CLNK: variants seen among roughly 807,000 people sequenced by gnomAD.
CLNK encodes the protein cytokine dependent hematopoietic cell linker.
In CLNK, 74 loss-of-function variants were observed where a neutral mutation model predicts 68.6. That is an observed-to-expected ratio of 1.08 (90% confidence interval 0.89 to 1.31). The LOEUF is 1.31. Ranked by LOEUF, CLNK falls within the 50% of genes most tolerant of loss-of-function variation. CLNK has a pLI of 0.00. For synonymous variants in CLNK, 198 were observed against 172.2 expected, an observed-to-expected ratio of 1.15 and a Z score of -1.17; for missense variants, 553 against 515.3, an observed-to-expected ratio of 1.07 and a Z score of -0.71.
chr4:10,544,120 T>A (rs1719137729), intron 8 of CLNK, among the ~76,000 whole-genome samples: 2 of 152,234 alleles, frequency 1.3e-5, no homozygotes, highest in Admixed American at 1.3e-4. Flanking sequence ...GATGTTGGCT[T>A]TCCAAGAGGT....
At chr4:10,619,923 G>C (rs1197498642) in intron 2 of CLNK, among the ~76,000 whole-genome samples, 1 of 152,076 alleles carries the variant, frequency 6.6e-6, no homozygotes, top group Non-Finnish European at 1.5e-5. Flanking sequence ...AGCCCGGGGC[G>C]TTTTCCCATA....
chr4:10,513,729 G>A, intron 15 of CLNK, 132 bp from the exon 16 acceptor site: 3 of 767,838 alleles, frequency 3.9e-6, no homozygotes, highest in African/African-American at 1.8e-5. Flanking sequence ...CACCATATCA[G>A]CTCACTCAGT....
intron 2 of CLNK, among the ~76,000 whole-genome samples, chr4:10,599,799 G>A (rs758631210): frequency 3.3e-5 from 5 of 151,684 alleles, no homozygotes; most frequent in African/African-American, 9.7e-5. Flanking sequence ...CTTCTTTGTC[G>A]TGTTCATGAG....
At chr4:10,634,280 T>C (rs955810368) in intron 2 of CLNK, among the ~76,000 whole-genome samples, 19 of 152,156 alleles carry the variant, frequency 1.2e-4, no homozygotes, top group African/African-American at 4.3e-4. Context: ...GTTTTGGATA[T>C]AAAAGGAGAC....
the CLNK span, among the ~76,000 whole-genome samples, chr4:10,725,169 G>A: frequency 6.6e-6 from 1 of 152,110 alleles, no homozygotes; most frequent in Non-Finnish European, 1.5e-5. Flanking sequence ...GTTTAACCAG[G>A]GGTTGCTCAC....
At chr4:10,688,243 G>A (rs1038647263), upstream of CLNK, among the ~76,000 whole-genome samples, 3 of 152,168 alleles carry the variant, frequency 2.0e-5, no homozygotes, top group African/African-American at 7.2e-5. Context: ...GATGTGCGGT[G>A]TGTGTAGAGC....
intron 7 of CLNK, among the ~76,000 whole-genome samples, chr4:10,562,247 C>T (rs999716454): frequency 4.0e-5 from 6 of 151,838 alleles, no homozygotes; most frequent in African/African-American, 1.2e-4. Context: ...CATAGAAATA[C>T]TGTGTTTTCT....
chr4:10,712,559 CT>C, the CLNK span, among the ~76,000 whole-genome samples: 1 of 152,262 alleles, frequency 6.6e-6, no homozygotes, highest in South Asian at 2.1e-4. Context: ...CTAAAATAGC[CT>C]GTATAGCATT....
At chr4:10,535,276 G>A (rs1718714630) in intron 11 of CLNK, among the ~76,000 whole-genome samples, 3 of 116,146 alleles carry the variant, frequency 2.6e-5, no homozygotes, top group Admixed American at 8.6e-5. Flanking sequence ...AAAATGGAAA[G>A]CCATAGTTAG....
At chr4:10,632,405 G>A (rs1030537590) in intron 2 of CLNK, among the ~76,000 whole-genome samples, 1 of 152,258 alleles carries the variant, frequency 6.6e-6, no homozygotes, top group Non-Finnish European at 1.5e-5. Context: ...CATCAGGAGA[G>A]GGGGAGGGAC....
At chr4:10,554,392 A>T (rs540007592) in intron 8 of CLNK, among the ~76,000 whole-genome samples, 13 of 152,280 alleles carry the variant, frequency 8.5e-5, no homozygotes, top group Non-Finnish European at 1.6e-4. Context: ...GGGGGATAGA[A>T]ATTTTCTGGA....
chr4:10,612,591 C>T (rs555334614), intron 2 of CLNK, among the ~76,000 whole-genome samples: 3 of 152,188 alleles, frequency 2.0e-5, no homozygotes, highest in East Asian at 1.9e-4. Context: ...CTTTCCACTG[C>T]GTCATGCTGG....
chr4:10,551,057 C>T (rs543526771), intron 8 of CLNK, among the ~76,000 whole-genome samples: 1 of 152,114 alleles, frequency 6.6e-6, no homozygotes, highest in Non-Finnish European at 1.5e-5. Context: ...TTCATCGTGC[C>T]GCTCAGAAAC....
In CLNK at chr4:10,676,186, T is replaced by C. The variant is rs1438770608; in HGVS notation, c.-42-8275A>G. ...AATTTGGTTCCAATTCAGAGTTATATGTATTTTCTTTAATTTTCATATCAA... is the reference window on the plus strand; with the variant it reads ...AATTTGGTTCCAATTCAGAGTTATACGTATTTTCTTTAATTTTCATATCAA... On this transcript the variant is annotated intron_variant, in intron 1 of 18. Coordinates refer to ENST00000226951, the MANE Select transcript of CLNK (RefSeq NM_052964.4). 2.6e-5 allele frequency among the ~76,000 whole-genome samples: 4 copies of C among 152,132 alleles called. No individual in the cohort carries two copies. The East Asian group carries it at 7.7e-4, about 29-fold the overall frequency.
chr4:10,726,266 G>A, the CLNK span, among the ~76,000 whole-genome samples: 20 of 152,196 alleles, frequency 1.3e-4, no homozygotes, highest in East Asian at 1.4e-3. Context: ...GACTACAGAC[G>A]CCTGCCACCA....
chr4:10,546,600 A>G (rs1370042227), intron 8 of CLNK, among the ~76,000 whole-genome samples: 2 of 152,198 alleles, frequency 1.3e-5, no homozygotes, highest in African/African-American at 4.8e-5. Flanking sequence ...CTTGTCTTCT[A>G]AGCTTTCGCC....
At chr4:10,654,964 C>T (rs116331752) in intron 2 of CLNK, among the ~76,000 whole-genome samples, 1,558 of 151,630 alleles carry the variant, frequency 0.01, 13 homozygotes, top group Middle Eastern at 0.017. Flanking sequence ...TAGCTGGGCG[C>T]GGTGGCAGCG....
intron 12 of CLNK, among the ~76,000 whole-genome samples, chr4:10,528,312 A>G (rs1357522495): frequency 6.6e-6 from 1 of 152,258 alleles, no homozygotes; most frequent in Non-Finnish European, 1.5e-5. Context: ...ACAAGTCCAC[A>G]GTCGGCTGAT....
intron 15 of CLNK, chr4:10,517,251 A>T (rs975334572): frequency 6.6e-6 from 1 of 152,178 alleles, no homozygotes; most frequent in Non-Finnish European, 1.5e-5. Context: ...GAAAGAAAGG[A>T]AAATAAAGGA....
Sources: gnomAD v4.1 joint callset for allele counts (sites outside exome capture counted in the v4.1 genomes callset) on GRCh38, gnomAD v4.1.1 for gene constraint, MANE v1.5 for transcripts, NCBI Gene and HGNC (gene_info 2026-07-23, HGNC 2026-07-21) for gene names.